ZNF385D: variants seen among roughly 807,000 people sequenced by gnomAD.
ZNF385D encodes zinc finger protein 385D.
A neutral mutation model predicts 35.8 loss-of-function variants in ZNF385D; 15 were observed. The observed-to-expected ratio is 0.42, with a 90% CI of 0.28 to 0.64. The LOEUF (loss-of-function observed/expected upper bound fraction) is 0.64. Among genes scored for constraint, ZNF385D ranks in the 30% least tolerant of loss-of-function variants. The pLI is 0.23. For missense variants in ZNF385D, 474 were observed against 494.6 expected (o/e 0.96, Z 0.39); for synonymous variants, 212 against 186.8 (o/e 1.13, Z -1.10).
chr3:22,217,888 G>A (rs1209955861), intron 2 of ZNF385D, among the ~76,000 whole-genome samples: 3 of 152,104 alleles, frequency 2.0e-5, no homozygotes, highest in Admixed American at 1.3e-4. Context: ...TTGCAGGAAA[G>A]GGAATGTATT....
intron 1 of ZNF385D, among the ~76,000 whole-genome samples, chr3:21,699,180 C>T (rs1307505936): frequency 4.6e-5 from 7 of 152,082 alleles, no homozygotes; most frequent in Non-Finnish European, 1.0e-4. Context: ...GAGTTCATGT[C>T]CTTTGCAGGG....
chr3:21,999,701 A>AAAAT (rs1226303431), intron 3 of ZNF385D, among the ~76,000 whole-genome samples: 1 of 152,064 alleles, frequency 6.6e-6, no homozygotes, highest in East Asian at 1.9e-4. Flanking sequence ...GATAGCTTCA[A>AAAAT]AAATAGACTA....
chr3:21,419,561 T>C lies in ZNF385D; in HGVS notation c.*1653A>G, dbSNP rs1447118193. 6.6e-6 allele frequency: 1 copy of C among 152,130 alleles called. No individual in the cohort carries two copies. Among genetic ancestry groups the C allele is most frequent in the African/African-American group, 2.4e-5 (1 of 41,440 alleles). The allele number at this position is 152,130 out of a possible 1,614,324, so 9.4% of individuals were successfully genotyped here. ...AGTCTTTAGAAAACCTTTTCAAAAA[T>C]AGTTTTTTCTCTAAACCTAAATCAT... On this transcript the variant is annotated 3_prime_UTR_variant, in exon 8 of 8. Coordinates refer to ENST00000281523, the MANE Select transcript of ZNF385D (RefSeq NM_024697.3).
intron 3 of ZNF385D, among the ~76,000 whole-genome samples, chr3:21,764,807 G>T (rs1159434041): frequency 6.6e-6 from 1 of 152,042 alleles, no homozygotes; most frequent in East Asian, 1.9e-4. Context: ...GACACTTTGA[G>T]GAAAATACCA....
intron 4 of ZNF385D, chr3:21,459,585 A>G (rs1485071818): frequency 1.3e-5 from 2 of 152,212 alleles, no homozygotes; most frequent in Non-Finnish European, 2.9e-5. Context: ...AATCAGCACA[A>G]GATGGCCAGT....
intron 2 of ZNF385D, among the ~76,000 whole-genome samples, chr3:22,191,781 A>G (rs551717730): frequency 6.6e-6 from 1 of 152,316 alleles, no homozygotes; most frequent in East Asian, 1.9e-4. Flanking sequence ...TATCATTAAA[A>G]TATTTCAGTG....
At chr3:21,586,022 A>G (rs78493930) in intron 2 of ZNF385D, among the ~76,000 whole-genome samples, 3,483 of 84,032 alleles carry the variant, frequency 0.041, 146 homozygotes, top group African/African-American at 0.15. Context: ...AAATAAATAT[A>G]TTATAAATAC....
At chr3:22,050,731 A>G (rs1347417239) in intron 3 of ZNF385D, among the ~76,000 whole-genome samples, 3 of 152,228 alleles carry the variant, frequency 2.0e-5, no homozygotes, top group African/African-American at 7.2e-5. Flanking sequence ...TTCTGAAATT[A>G]TATTAATTCA....
intron 4 of ZNF385D, among the ~76,000 whole-genome samples, chr3:21,437,933 A>G (rs1472745897): frequency 2.6e-5 from 4 of 152,158 alleles, no homozygotes; most frequent in African/African-American, 9.7e-5. Context: ...AATAGCCACT[A>G]TTCACAAGGA....
chr3:21,696,908 G>A (rs2067491460), intron 1 of ZNF385D, among the ~76,000 whole-genome samples: 1 of 152,166 alleles, frequency 6.6e-6, no homozygotes, highest in East Asian at 1.9e-4. Context: ...TTATTTACCT[G>A]TTTGTATCCT....
chr3:22,319,097 T>G (rs953558575), intron 2 of ZNF385D, among the ~76,000 whole-genome samples: 21 of 152,276 alleles, frequency 1.4e-4, no homozygotes, highest in African/African-American at 5.1e-4. Context: ...AAGCCAAATT[T>G]GTAATTATCA....
At chr3:22,062,857 A>G (rs1020600052) in intron 3 of ZNF385D, among the ~76,000 whole-genome samples, 1 of 152,200 alleles carries the variant, frequency 6.6e-6, no homozygotes, top group African/African-American at 2.4e-5. Flanking sequence ...GAGGTCTCCT[A>G]CAAACAGCCA....
At chr3:21,593,592 C>G (rs2064044463) in intron 2 of ZNF385D, among the ~76,000 whole-genome samples, 1 of 152,062 alleles carries the variant, frequency 6.6e-6, no homozygotes, top group Non-Finnish European at 1.5e-5. Context: ...TGAACACAAT[C>G]CCACCTTACT....
At chr3:21,935,472 G>A (rs1030611118) in intron 3 of ZNF385D, among the ~76,000 whole-genome samples, 2 of 152,114 alleles carry the variant, frequency 1.3e-5, no homozygotes, top group Non-Finnish European at 2.9e-5. Flanking sequence ...ACTGGCAAGT[G>A]GGTTTGAACC....
At chr3:22,031,609 AT>A (rs1698007534) in intron 3 of ZNF385D, among the ~76,000 whole-genome samples, 1 of 151,878 alleles carries the variant, frequency 6.6e-6, no homozygotes, top group African/African-American at 2.4e-5. Flanking sequence ...CTACAAAACC[AT>A]TTTTTCCCTC....
intron 3 of ZNF385D, among the ~76,000 whole-genome samples, chr3:22,097,224 C>G (rs971402972): frequency 6.6e-6 from 1 of 152,008 alleles, no homozygotes; most frequent in Non-Finnish European, 1.5e-5. Context: ...TATTTTATAT[C>G]AATACATTTT....
intron 2 of ZNF385D, among the ~76,000 whole-genome samples, chr3:21,662,062 C>T (rs566526117): frequency 1.3e-5 from 2 of 152,166 alleles, no homozygotes; most frequent in East Asian, 3.9e-4. Flanking sequence ...GATCACCAGG[C>T]AGAGAGTCTC....
chr3:21,837,186 G>C (rs889820490), intron 3 of ZNF385D, among the ~76,000 whole-genome samples: 1 of 152,038 alleles, frequency 6.6e-6, no homozygotes, highest in Non-Finnish European at 1.5e-5. Context: ...CCTTCTTTCA[G>C]ACTCTAATTC....
At chr3:21,480,099 AAT>A (rs1704513888) in intron 4 of ZNF385D, among the ~76,000 whole-genome samples, 1 of 129,198 alleles carries the variant, frequency 7.7e-6, no homozygotes, top group Non-Finnish European at 1.7e-5. Context: ...AGAATGTAAG[AAT>A]TTTTTTTTTT....
Sources: gnomAD v4.1 joint callset for allele counts (sites outside exome capture counted in the v4.1 genomes callset) on GRCh38, gnomAD v4.1.1 for gene constraint, MANE v1.5 for transcripts, NCBI Gene and HGNC (gene_info 2026-07-23, HGNC 2026-07-21) for gene names.